The following MYLK variants were observed in gnomAD, a reference collection of about 807,000 sequenced individuals.
MYLK encodes the protein myosin light chain kinase, smooth muscle.
Under a neutral mutation model 203.4 loss-of-function variants are expected in MYLK, and 106 were observed. That is an observed-to-expected ratio of 0.52 (90% CI 0.45 to 0.61). The LOEUF (loss-of-function observed/expected upper bound fraction) is 0.61. Among genes scored for constraint, MYLK ranks in the 20% least tolerant of loss-of-function variants. The pLI is 0.00. For synonymous variants in MYLK, 867 were observed against 959.5 expected (o/e 0.90, Z 1.78); for missense variants, 2,072 against 2,442.3 (o/e 0.85, Z 3.20).
At chr3:123,711,410 G>A (rs558042202) in intron 13 of MYLK, among the ~76,000 whole-genome samples, 17 of 152,318 alleles carry the variant, frequency 1.1e-4, no homozygotes, top group African/African-American at 3.8e-4. Flanking sequence ...CTCTGAGACA[G>A]GGAGTGTGTC....
At chr3:123,785,390 G>A (rs959453482) in intron 4 of MYLK, among the ~76,000 whole-genome samples, 1 of 152,172 alleles carries the variant, frequency 6.6e-6, no homozygotes, top group African/African-American at 2.4e-5. Context: ...TTCCCTTTGA[G>A]TACTTTGGAA....
At chr3:123,731,466 T>C (rs1219650322) in intron 11 of MYLK, among the ~76,000 whole-genome samples, 2 of 152,206 alleles carry the variant, frequency 1.3e-5, no homozygotes, top group Admixed American at 1.3e-4. Context: ...TCCTCTCCCT[T>C]CCTAGTGCAT....
intron 2 of MYLK, among the ~76,000 whole-genome samples, chr3:123,847,412 CCTATTGCATTGG>C (rs541654872): frequency 9.1e-4 from 138 of 152,180 alleles, no homozygotes; most frequent in Non-Finnish European, 1.0e-3. Context: ...TTTTTCTTGT[CCTATTGCATTGG>C]CTAGAACCTC....
intron 25 of MYLK, 40 bp from the exon 26 acceptor site, chr3:123,649,104 C>T: frequency 6.2e-7 from 1 of 1,613,872 alleles, no homozygotes; most frequent in Non-Finnish European, 8.5e-7. Context: ...GTCTCAGATG[C>T]CCCCACTCAG....
At chr3:123,678,770 C>G (rs1394507190) in intron 20 of MYLK, among the ~76,000 whole-genome samples, 10 of 152,024 alleles carry the variant, frequency 6.6e-5, no homozygotes, top group Non-Finnish European at 8.8e-5. Flanking sequence ...GCAATTCCAT[C>G]TCTGTGGGAC....
At position 123,735,430 on chromosome 3, in the gene MYLK, G is replaced by A. The variant is rs1668060982; in HGVS notation, c.755-14C>T. 2 of 1,614,076 alleles carry A rather than the reference G, an allele frequency of 1.2e-6. No homozygotes were observed. Among genetic ancestry groups the A allele is most frequent in the African/African-American group, 1.3e-5 (1 of 75,034 alleles). On this transcript the variant is annotated splice_polypyrimidine_tract_variant and intron_variant, in intron 8 of 33. Transcript: ENST00000360304. ...CACTGTCCAAACCTGGAAAAAGGGGGAAGGGTGGAAAGACTGTTAGTAGAA... is the reference window on the plus strand; with the variant it reads ...CACTGTCCAAACCTGGAAAAAGGGGAAAGGGTGGAAAGACTGTTAGTAGAA...
chr3:123,649,803 T>C (rs1163473571), intron 24 of MYLK, among the ~76,000 whole-genome samples: 1 of 152,184 alleles, frequency 6.6e-6, no homozygotes, highest in Non-Finnish European at 1.5e-5. Flanking sequence ...ATCACCATGG[T>C]TCAAAGTGAA....
intron 1 of MYLK, among the ~76,000 whole-genome samples, chr3:123,878,315 C>T (rs1043181931): frequency 2.0e-5 from 3 of 152,208 alleles, no homozygotes; most frequent in African/African-American, 4.8e-5. Flanking sequence ...TACCACGTCA[C>T]ATAGCAGAAG....
At position 123,766,526 on chromosome 3, in the gene MYLK, G is replaced by C. The variant is rs548483118; in HGVS notation, c.166-13988C>G. Reference sequence around the variant, plus strand: ...CATCTGCCCCAGGGGAGCAGCAGTAGGGGTGACTTACAGGGCTGGGGCTGG... The same window carrying C: ...CATCTGCCCCAGGGGAGCAGCAGTACGGGTGACTTACAGGGCTGGGGCTGG... On this transcript the variant is annotated intron_variant, in intron 4 of 33. Coordinates refer to ENST00000360304, the MANE Select transcript of MYLK (RefSeq NM_053025.4). 1.9e-3 allele frequency among the ~76,000 whole-genome samples: 292 copies of C among 152,398 alleles called. 1 individual carries two copies. The highest frequency in any genetic ancestry group is 6.7e-3 in the African/African-American group (277 of 41,602).
chr3:123,787,359 C>A (rs1217314210), intron 4 of MYLK, among the ~76,000 whole-genome samples: 1 of 152,078 alleles, frequency 6.6e-6, no homozygotes, highest in Non-Finnish European at 1.5e-5. Context: ...GGCTCTGAAG[C>A]CAGGCAGGGA....
chr3:123,863,088 C>G (rs2032053205), intron 2 of MYLK, among the ~76,000 whole-genome samples: 1 of 152,176 alleles, frequency 6.6e-6, no homozygotes, highest in South Asian at 2.1e-4. Flanking sequence ...TAACCTAGCT[C>G]TGTCTCAGTT....
intron 28 of MYLK, 106 bp from the exon 29 acceptor site, chr3:123,638,300 A>T: frequency 6.6e-7 from 1 of 1,523,892 alleles, no homozygotes. Flanking sequence ...GAGGGGCCAG[A>T]CACAGGCTTT....
intron 11 of MYLK, among the ~76,000 whole-genome samples, chr3:123,731,403 G>C (rs2062469548): frequency 6.6e-6 from 1 of 152,138 alleles, no homozygotes; most frequent in Admixed American, 6.5e-5. Flanking sequence ...GGCATCTTTT[G>C]CATGTGTGTA....
rs1043275071 is a variant in MYLK, at chr3:123,648,454, A to G, written c.4415+517T>C. ...AAAGATAATCTGATCCAGTCCTCTC[A>G]TTTTATTTTATTTTAAAAATTATTT... On this transcript the variant is annotated intron_variant, in intron 26 of 33. Transcript: ENST00000360304. This position sits in a 1 kb window ranked among gnomAD's most constrained non-coding sequence, Gnocchi z 4.5. Among the ~76,000 whole-genome samples the G allele has an allele frequency of 1.3e-5, 2 of 152,168 alleles. No homozygotes were observed. The highest frequency in any genetic ancestry group is 2.1e-4 in the South Asian group (1 of 4,834).
chr3:123,634,275 G>A (rs532025642), intron 29 of MYLK, among the ~76,000 whole-genome samples: 85 of 152,302 alleles, frequency 5.6e-4, no homozygotes, highest in African/African-American at 1.9e-3. Context: ...CCTAGGGCTG[G>A]AATCAGAGCG....
rs1025518026 is a variant in MYLK, at chr3:123,873,757, G to C, written c.-127+2802C>G. Among the ~76,000 whole-genome samples the C allele has an allele frequency of 6.6e-5, 10 of 152,180 alleles. No homozygotes were observed. In the East Asian group the frequency reaches 1.9e-3, roughly 29 times the overall value. ...ATTTAGCTAGCTACTAATCACATTAGATTTTCAAACTCTGCAAGTACACAT... is the reference window on the plus strand; with the variant it reads ...ATTTAGCTAGCTACTAATCACATTACATTTTCAAACTCTGCAAGTACACAT... On this transcript the variant is annotated intron_variant, in intron 2 of 33. Coordinates refer to ENST00000360304, the MANE Select transcript of MYLK (RefSeq NM_053025.4).
intron 10 of MYLK, among the ~76,000 whole-genome samples, chr3:123,733,423 T>C (rs924249323): frequency 6.6e-6 from 1 of 152,142 alleles, no homozygotes; most frequent in Non-Finnish European, 1.5e-5. Context: ...GTGTTTCTTC[T>C]AGGGTGGTAA....
intron 18 of MYLK, 105 bp downstream of exon 18, chr3:123,699,915 C>A (rs1470417205): frequency 6.7e-7 from 1 of 1,493,054 alleles, no homozygotes; most frequent in African/African-American, 1.4e-5. Context: ...AGGTTAGCAG[C>A]CTACCTATGG....
intron 4 of MYLK, 66 bp downstream of exon 4, chr3:123,793,611 T>C: frequency 1.9e-6 from 3 of 1,586,866 alleles, no homozygotes; most frequent in Non-Finnish European, 2.6e-6. Context: ...AGGAAAAGGC[T>C]TGACAAGGAG....
Sources: allele counts gnomAD v4.1 joint callset (sites outside exome capture counted in the v4.1 genomes callset), GRCh38; gene constraint gnomAD v4.1.1; non-coding constraint Gnocchi (gnomAD v3.1); transcripts MANE v1.5; gene names NCBI Gene and HGNC (gene_info 2026-07-23, HGNC 2026-07-21).